INPP4B: variants seen among roughly 807,000 people sequenced by gnomAD.
The protein encoded by INPP4B is inositol polyphosphate 4-phosphatase type II.
In INPP4B, 55 loss-of-function variants were observed where a neutral mutation model predicts 122.5. The observed-to-expected ratio is 0.45, with a 90% CI of 0.36 to 0.56. The LOEUF (loss-of-function observed/expected upper bound fraction) is 0.56. Ranked by LOEUF, INPP4B falls within the 20% of genes least tolerant of loss-of-function variation. INPP4B has a pLI of 0.00. For synonymous variants in INPP4B, 403 were observed against 388.7 expected, an observed-to-expected ratio of 1.04 and a Z score of -0.43; for missense variants, 1,000 against 1,097.7, an observed-to-expected ratio of 0.91 and a Z score of 1.26.
chr4:142,810,989 A>C (rs1779445526), intron 1 of INPP4B, among the ~76,000 whole-genome samples: 1 of 152,246 alleles, frequency 6.6e-6, no homozygotes, highest in Non-Finnish European at 1.5e-5. Context: ...CCATTTAAAA[A>C]TGAAAAATGT....
intron 23 of INPP4B, among the ~76,000 whole-genome samples, chr4:142,094,023 G>A (rs758352310): frequency 3.3e-5 from 5 of 152,118 alleles, no homozygotes; most frequent in Admixed American, 6.5e-5. Context: ...AGAAGAATAC[G>A]ACGATAACAT....
intron 5 of INPP4B, among the ~76,000 whole-genome samples, chr4:142,405,774 G>A (rs887265246): frequency 2.6e-5 from 4 of 152,086 alleles, no homozygotes; most frequent in Admixed American, 2.6e-4. Flanking sequence ...CCTTACCTAT[G>A]TATTCACTAG....
At chr4:142,246,965 T>C (rs1454052181) in intron 11 of INPP4B, among the ~76,000 whole-genome samples, 1 of 152,118 alleles carries the variant, frequency 6.6e-6, no homozygotes, top group East Asian at 1.9e-4. Flanking sequence ...TTTCGAAATA[T>C]GTTCCATCAA....
intron 2 of INPP4B, among the ~76,000 whole-genome samples, chr4:142,612,590 G>A (rs1346951779): frequency 3.9e-5 from 6 of 152,152 alleles, no homozygotes; most frequent in Non-Finnish European, 8.8e-5. Context: ...TTAGGTTAGT[G>A]TAAAAAGAAT....
chr4:142,318,228 G>A (rs749476088), intron 7 of INPP4B, among the ~76,000 whole-genome samples: 1 of 152,060 alleles, frequency 6.6e-6, no homozygotes, highest in Non-Finnish European at 1.5e-5. Flanking sequence ...ATGGGGGGAA[G>A]AGAGAAAATG....
At chr4:142,845,675 A>T (rs1403129444) in intron 1 of INPP4B, among the ~76,000 whole-genome samples, 1 of 152,132 alleles carries the variant, frequency 6.6e-6, no homozygotes, top group African/African-American at 2.4e-5. Context: ...CACCAACATC[A>T]GTCACCCTCA....
At chr4:142,693,335 T>C (rs1293607300) in intron 2 of INPP4B, among the ~76,000 whole-genome samples, 2 of 152,044 alleles carry the variant, frequency 1.3e-5, no homozygotes, top group Non-Finnish European at 2.9e-5. Context: ...AAGCATCCTT[T>C]AGGCCCTGAA....
At chr4:142,568,727 A>T (rs1479601705) in intron 2 of INPP4B, among the ~76,000 whole-genome samples, 1 of 152,138 alleles carries the variant, frequency 6.6e-6, no homozygotes, top group Admixed American at 6.6e-5. Context: ...AGCTACAAAG[A>T]TGATATTACT....
Position 142,498,144 on chromosome 4 carries a change from TAC to T in INPP4B, c.-190-35420_-190-35419del, listed in dbSNP as rs568493839. Among the ~76,000 whole-genome samples, 1,009 of 151,202 alleles carry T rather than the reference TAC, an allele frequency of 6.7e-3. 14 individuals are homozygous for T. The highest frequency in any genetic ancestry group is 0.023 in the African/African-American group (958 of 41,140). On this transcript the variant is annotated intron_variant, in intron 2 of 25. Transcript: ENST00000262992. Reference sequence around the variant, plus strand: ...ATACACACACACATATATGTATACATACATATGTGTATACATATATATGTATG... The same window carrying T: ...ATACACACACACATATATGTATACATATATGTGTATACATATATATGTATG...
chr4:142,487,649 G>A lies in INPP4B; in HGVS notation c.-190-24923C>T, dbSNP rs577323084. On this transcript the variant is annotated intron_variant, in intron 2 of 25. Coordinates refer to ENST00000262992, the MANE Select transcript of INPP4B (RefSeq NM_001101669.3). ...TTATAGTTTTCACTGTAGAAATCTT[G>A]CACATGTTTATTAATTTCCCAGAGT... Among the ~76,000 whole-genome samples, 18 of 152,146 alleles carry A rather than the reference G, an allele frequency of 1.2e-4. No homozygotes were observed. The South Asian group carries it at 3.5e-3, about 30-fold the overall frequency.
intron 7 of INPP4B, among the ~76,000 whole-genome samples, chr4:142,358,121 C>G (rs1784218427): frequency 6.6e-6 from 1 of 151,844 alleles, no homozygotes; most frequent in Non-Finnish European, 1.5e-5. Flanking sequence ...TACAATTTAT[C>G]TACATATTAC....
chr4:142,058,076 A>G (rs1437868245), intron 25 of INPP4B, among the ~76,000 whole-genome samples: 1 of 152,122 alleles, frequency 6.6e-6, no homozygotes, highest in African/African-American at 2.4e-5. Flanking sequence ...TGTGCCATAT[A>G]CTAAAGAATC....
chr4:142,770,301 T>C (rs1481218064), intron 1 of INPP4B, among the ~76,000 whole-genome samples: 1 of 148,950 alleles, frequency 6.7e-6, no homozygotes, highest in African/African-American at 2.5e-5. Flanking sequence ...ATGTATAATA[T>C]TGTTATATTA....
At chr4:142,064,013 A>G (rs1378094947) in intron 25 of INPP4B, among the ~76,000 whole-genome samples, 1 of 152,176 alleles carries the variant, frequency 6.6e-6, no homozygotes, top group Non-Finnish European at 1.5e-5. Context: ...ATGAATATCA[A>G]ATGTATAATT....
chr4:142,653,761 C>G (rs1192797950), intron 2 of INPP4B, among the ~76,000 whole-genome samples: 1 of 152,142 alleles, frequency 6.6e-6, no homozygotes, highest in African/African-American at 2.4e-5. Flanking sequence ...AATGCTTTTA[C>G]ACTATTGGTG....
Position 142,244,167 on chromosome 4 carries a change from T to C in INPP4B, c.689-6156A>G, listed in dbSNP as rs1295640756. ...ACGAGTGAGAACATGCGGTGTTTGG[T>C]TTTCCGTCCCTGTGTTAGTTTGCTG... On this transcript the variant is annotated intron_variant, in intron 11 of 25. Transcript: ENST00000262992. Among the ~76,000 whole-genome samples, 5 of 151,666 alleles carry C rather than the reference T, an allele frequency of 3.3e-5. No homozygotes were observed. The East Asian group carries it at 9.7e-4, about 30-fold the overall frequency.
chr4:142,324,359 T>A (rs1771503838), intron 7 of INPP4B, among the ~76,000 whole-genome samples: 1 of 152,132 alleles, frequency 6.6e-6, no homozygotes, highest in South Asian at 2.1e-4. Flanking sequence ...CCTCTGTGTT[T>A]TCAACCAACA....
Position 142,759,825 on chromosome 4 carries a change from TAAAAAAA to T in INPP4B, c.-253-33931_-253-33925del, listed in dbSNP as rs70949188. On this transcript the variant is annotated intron_variant, in intron 1 of 25. Transcript: ENST00000262992. ...CCCAGAGCTTATATAGAGCTTTTTC[TAAAAAAA>T]AAAAAAAAAAAAAAAAAAAAATTTA... 4.9e-4 allele frequency among the ~76,000 whole-genome samples: 34 copies of T among 70,044 alleles called. No homozygotes were observed. The Admixed American group carries it at 4.9e-3, about 10-fold the overall frequency. 46.0% of individuals were successfully genotyped at this position (70,044 alleles called of 152,430 possible). A position where few individuals can be genotyped will look rare whatever the true frequency, so the allele number is the denominator to read the frequency against.
At chr4:142,237,460 A>T (rs1267623080) in intron 12 of INPP4B, among the ~76,000 whole-genome samples, 1 of 152,094 alleles carries the variant, frequency 6.6e-6, no homozygotes, top group Non-Finnish European at 1.5e-5. Context: ...ATTTTATATA[A>T]CCCCAATATA....
Sources: gnomAD v4.1 joint callset for allele counts (sites outside exome capture counted in the v4.1 genomes callset) on GRCh38, gnomAD v4.1.1 for gene constraint, MANE v1.5 for transcripts, NCBI Gene and HGNC (gene_info 2026-07-23, HGNC 2026-07-21) for gene names.